The following COL27A1 variants were observed in gnomAD, a reference collection of about 807,000 sequenced individuals.
COL27A1 encodes collagen alpha-1(XXVII) chain.
COL27A1 carries 106 observed loss-of-function variants against 251.3 expected under a neutral mutation model. The observed-to-expected ratio is 0.42, with a 90% CI of 0.36 to 0.50. COL27A1 has a LOEUF of 0.50. Among genes scored for constraint, COL27A1 ranks in the 20% least tolerant of loss-of-function variants. The probability of loss-of-function intolerance (pLI) is 0.00; values close to 1 mark genes in which losing one functional copy is unlikely to be tolerated. For missense variants in COL27A1, 2,325 were observed against 2,522.8 expected, an observed-to-expected ratio of 0.92 and a Z score of 1.68; for synonymous variants, 1,000 against 986.3, an observed-to-expected ratio of 1.01 and a Z score of -0.26.
At chr9:114,178,736 G>A (rs118058030) in intron 4 of COL27A1, among the ~76,000 whole-genome samples, 25 of 152,220 alleles carry the variant, frequency 1.6e-4, no homozygotes, top group Non-Finnish European at 2.8e-4. Context: ...GTAGGGGTGC[G>A]GACATAGGTA....
At chr9:114,271,044 T>G (rs944324445) in intron 36 of COL27A1, 3 of 483,908 alleles carry the variant, frequency 6.2e-6, no homozygotes, top group Non-Finnish European at 1.1e-5. Flanking sequence ...AATATCAGCT[T>G]CTCTTGGCTA....
At chr9:114,160,420 G>A (rs891516114) in intron 1 of COL27A1, among the ~76,000 whole-genome samples, 5 of 152,134 alleles carry the variant, frequency 3.3e-5, no homozygotes, top group Non-Finnish European at 4.4e-5. Flanking sequence ...CTCCCAAAGT[G>A]CTGGGATTAC....
At chr9:114,300,746 G>A in intron 51 of COL27A1, 59 bp downstream of exon 51, 1 of 1,377,414 alleles carries the variant, frequency 7.3e-7, no homozygotes, top group Non-Finnish European at 9.7e-7. Flanking sequence ...AGGTTGGCCA[G>A]CCATCAGCTG....
chr9:114,247,307 T>C (rs939250883), intron 24 of COL27A1, among the ~76,000 whole-genome samples: 1 of 152,240 alleles, frequency 6.6e-6, no homozygotes, highest in Non-Finnish European at 1.5e-5. Context: ...TGTCACTTTC[T>C]GGGACAGTCC....
intron 18 of COL27A1, 40 bp from the exon 19 acceptor site, chr9:114,237,622 T>C (rs769492799): frequency 6.4e-7 from 1 of 1,564,544 alleles, no homozygotes; most frequent in South Asian, 1.1e-5. Flanking sequence ...GAAGGTGGGG[T>C]CCTCACCCCT....
rs762981179 is a variant in COL27A1, at chr9:114,168,978, C to G, written c.1423C>G (p.Arg475Gly). The G allele has an allele frequency of 1.9e-6, 3 of 1,614,160 alleles. No individual in the cohort carries two copies. Among genetic ancestry groups the G allele is most frequent in the Admixed American group, 3.3e-5 (2 of 60,032 alleles). ...TSHASKPASA[R>G]TSTHKPPPFT... Reference sequence around the variant, plus strand: ...CCATGCCAGTAAGCCGGCCTCTGCCCGCACCAGCACCCACAAACCTCCCCC... The same window carrying G: ...CCATGCCAGTAAGCCGGCCTCTGCCGGCACCAGCACCCACAAACCTCCCCC... Residue 475 changes from arginine (R) to glycine (G), a missense_variant, in exon 3 of 61, where the codon CGC (arginine) becomes GGC (glycine). Physicochemically the swap from Arg to Gly is moderately radical, Grantham distance 125 (BLOSUM62 -2). This residue lies in a region of COL27A1 where 1,183 missense variants were observed against 1,144.1 expected (regional missense o/e 1.03). Coordinates refer to ENST00000356083, the MANE Select transcript of COL27A1 (RefSeq NM_032888.4).
intron 2 of COL27A1, among the ~76,000 whole-genome samples, chr9:114,164,563 C>T (rs1367248791): frequency 6.6e-6 from 1 of 152,180 alleles, no homozygotes; most frequent in African/African-American, 2.4e-5. Context: ...GCAGGTTAGC[C>T]CTAAATTCCA....
At chr9:114,157,386 C>T (rs751567826) in intron 1 of COL27A1, among the ~76,000 whole-genome samples, 1 of 152,194 alleles carries the variant, frequency 6.6e-6, no homozygotes, top group Non-Finnish European at 1.5e-5. Flanking sequence ...CAGCATGCCT[C>T]TGCTCCTGGA....
At chr9:114,175,917 G>A (rs541586614) in intron 3 of COL27A1, among the ~76,000 whole-genome samples, 86 of 152,276 alleles carry the variant, frequency 5.6e-4, no homozygotes, top group African/African-American at 1.9e-3. Context: ...TTGGCTTTCC[G>A]CAACTCAGGA....
chr9:114,266,546 G>GTGTC lies in COL27A1; in HGVS notation c.3394-9_3394-6dup, dbSNP rs1554820586. The stretch of plus-strand genomic sequence containing the variant: ...AGGCTGACCTCTCCCAACTGTCTGT[G>GTGTC]TGTCTGTCTGTCTTCCAGGGCCCTC... On this transcript the variant is annotated intron_variant, in intron 32 of 60. Transcript: ENST00000356083. 2 of 1,612,308 alleles carry GTGTC rather than the reference G, an allele frequency of 1.2e-6. No individual in the cohort carries two copies. The highest frequency in any genetic ancestry group is 2.7e-5 in the African/African-American group (2 of 74,886).
intron 4 of COL27A1, among the ~76,000 whole-genome samples, chr9:114,181,942 C>G (rs1021540184): frequency 1.3e-5 from 2 of 152,136 alleles, no homozygotes; most frequent in Non-Finnish European, 1.5e-5. Context: ...TTGCAGGTGT[C>G]TAAGGGTCTG....
chr9:114,296,480 T>C (rs1828265892), intron 49 of COL27A1, among the ~76,000 whole-genome samples: 1 of 152,190 alleles, frequency 6.6e-6, no homozygotes, highest in Non-Finnish European at 1.5e-5. Flanking sequence ...ATTAGACAAA[T>C]GCTCATTCAA....
rs1834821175 is a variant in COL27A1, at chr9:114,267,423, T to G, written c.3448-81T>G. The G allele has an allele frequency of 3.2e-6, 4 of 1,266,052 alleles. No individual in the cohort carries two copies. In the East Asian group the frequency reaches 9.9e-5, roughly 31 times the overall value. 78.4% of individuals were successfully genotyped at this position (1,266,052 alleles called of 1,614,324 possible). ...TGTGACCCTGGGTGTTCTCTTGCCC[T>G]CTTGGAGCCTCAGTTACCCCCTTGC... On this transcript the variant is annotated intron_variant, in intron 33 of 60. Transcript: ENST00000356083.
chr9:114,164,565 TA>T (rs1022589987), intron 2 of COL27A1, among the ~76,000 whole-genome samples: 1 of 152,210 alleles, frequency 6.6e-6, no homozygotes, highest in Non-Finnish European at 1.5e-5. Flanking sequence ...AGGTTAGCCC[TA>T]AATTCCATGT....
At position 114,183,094 on chromosome 9, in the gene COL27A1, T is replaced by C. The variant is rs1282589602; in HGVS notation, c.2016+19T>C. 6.2e-7 allele frequency: 1 copy of C among 1,610,650 alleles called. No homozygotes were observed. The highest frequency in any genetic ancestry group is 8.5e-7 in the Non-Finnish European group (1 of 1,177,950). ...AGCCAAAGTGAGTATTTGCTGGAGATGTGGCCATGGAGTGGGTGCTGGGGT... is the reference window on the plus strand; with the variant it reads ...AGCCAAAGTGAGTATTTGCTGGAGACGTGGCCATGGAGTGGGTGCTGGGGT... On this transcript the variant is annotated intron_variant, in intron 5 of 60. Transcript: ENST00000356083.
chr9:114,168,617 A>G lies in COL27A1; in HGVS notation c.1062A>G (p.Gln354=). The G allele has an allele frequency of 6.2e-7, 1 of 1,614,136 alleles. No homozygotes were observed. The highest frequency in any genetic ancestry group is 1.3e-5 in the African/African-American group (1 of 75,032). ...STRTPRPAAA[Q]PSQKITATKI... ...GAACGCCTCGCCCTGCGGCCGCTCA[A>G]CCATCACAGAAGATCACAGCCACCA... The change falls in exon 3 of 61, where the codon CAA becomes CAG. Residue 354 remains glutamine (Q), a synonymous_variant. Coordinates refer to ENST00000356083, the MANE Select transcript of COL27A1 (RefSeq NM_032888.4).
At chr9:114,274,312 A>G (rs975310886) in intron 36 of COL27A1, 1 of 152,052 alleles carries the variant, frequency 6.6e-6, no homozygotes, top group Non-Finnish European at 1.5e-5. Flanking sequence ...CGAAGCCCCA[A>G]GAAGACCTTG....
chr9:114,289,108 C>A (rs972888335), intron 44 of COL27A1, 134 bp from the exon 45 acceptor site: 2 of 1,388,844 alleles, frequency 1.4e-6, no homozygotes. Context: ...TTTCTCCTGC[C>A]CTGACCCTGG....
At chr9:114,269,790 C>T (rs1326249926) in intron 35 of COL27A1, among the ~76,000 whole-genome samples, 4 of 152,048 alleles carry the variant, frequency 2.6e-5, no homozygotes, top group East Asian at 1.9e-4. Context: ...TGCATTCCAG[C>T]GGGTTGATAA....
Sources: gnomAD v4.1 joint callset for allele counts (sites outside exome capture counted in the v4.1 genomes callset) on GRCh38, gnomAD v4.1.1 for gene constraint, gnomAD v4.1.1 regional missense constraint, MANE v1.5 for transcripts, NCBI Gene and HGNC (gene_info 2026-07-23, HGNC 2026-07-21) for gene names.